Variants in SYT16 observed in about 807,000 individuals in gnomAD.
SYT16 encodes the protein synaptotagmin-16.
In SYT16, 42 loss-of-function variants were observed where a neutral mutation model predicts 61.4. That is an observed-to-expected ratio of 0.68 (90% confidence interval 0.53 to 0.89). The LOEUF is 0.89. Among genes scored for constraint, SYT16 ranks in the 40% least tolerant of loss-of-function variants. The probability of loss-of-function intolerance (pLI) is 0.00; values close to 1 mark genes in which losing one functional copy is unlikely to be tolerated. For synonymous variants in SYT16, 314 were observed against 302.3 expected (o/e 1.04, Z -0.40); for missense variants, 804 against 807.3 (o/e 1.00, Z 0.05).
chr14:61,927,284 A>C (rs2049576662), intron 1 of SYT16, among the ~76,000 whole-genome samples: 1 of 152,238 alleles, frequency 6.6e-6, no homozygotes, highest in African/African-American at 2.4e-5. Context: ...ATCTATTTTT[A>C]TTCCAGGTTA....
chr14:62,055,881 A>G (rs1364839283), intron 3 of SYT16, among the ~76,000 whole-genome samples: 1 of 152,188 alleles, frequency 6.6e-6, no homozygotes, highest in Non-Finnish European at 1.5e-5. Flanking sequence ...CTGAGTCCCA[A>G]AACCTCAAAA....
chr14:62,073,118 T>G (rs1205660506), intron 4 of SYT16, among the ~76,000 whole-genome samples: 3 of 152,224 alleles, frequency 2.0e-5, no homozygotes, highest in Non-Finnish European at 4.4e-5. Context: ...ATTCATTCCT[T>G]GCTTGTCTGT....
chr14:61,911,575 G>A (rs975985974), intron 1 of SYT16, among the ~76,000 whole-genome samples: 1 of 152,186 alleles, frequency 6.6e-6, no homozygotes, highest in Non-Finnish European at 1.5e-5. Context: ...AGGCTCAGAG[G>A]AGCTATGTCC....
intron 1 of SYT16, among the ~76,000 whole-genome samples, chr14:61,958,697 G>A (rs2050984442): frequency 6.6e-6 from 1 of 152,028 alleles, no homozygotes; most frequent in Admixed American, 6.6e-5. Flanking sequence ...AGAATGTTCT[G>A]TGTGTAATTG....
intron 3 of SYT16, among the ~76,000 whole-genome samples, chr14:62,000,391 C>T (rs573988990): frequency 6.6e-6 from 1 of 151,648 alleles, no homozygotes; most frequent in Non-Finnish European, 1.5e-5. Context: ...CTCCAACTTT[C>T]TTTTGATTAG....
intron 1 of SYT16, among the ~76,000 whole-genome samples, chr14:61,906,770 C>A (rs1042744347): frequency 1.4e-5 from 2 of 139,948 alleles, no homozygotes; most frequent in African/African-American, 5.4e-5. Context: ...TCCGTCAATC[C>A]ATCCATCCGT....
intron 5 of SYT16, among the ~76,000 whole-genome samples, chr14:62,076,699 G>A (rs552393318): frequency 3.9e-5 from 6 of 152,170 alleles, no homozygotes; most frequent in South Asian, 4.2e-4. Context: ...CTGCTTACCC[G>A]TTAGTTTACT....
intron 2 of SYT16, among the ~76,000 whole-genome samples, chr14:61,971,750 A>C (rs529261526): frequency 9.2e-5 from 14 of 152,244 alleles, no homozygotes; most frequent in Non-Finnish European, 1.8e-4. Context: ...CAGATTTGAC[A>C]ATTGCTTTGG....
At chr14:61,893,523 C>T (rs2140342410) in intron 1 of SYT16, among the ~76,000 whole-genome samples, 1 of 152,348 alleles carries the variant, frequency 6.6e-6, no homozygotes, top group African/African-American at 2.4e-5. Flanking sequence ...TTCCTCCTCT[C>T]ATATACTGTG....
At chr14:61,855,549 AAGTG>A (rs1251100998) in intron 1 of SYT16, among the ~76,000 whole-genome samples, 1 of 152,190 alleles carries the variant, frequency 6.6e-6, no homozygotes, top group African/African-American at 2.4e-5. Context: ...ACTGTACTGA[AAGTG>A]AGAAACAGGA....
At chr14:61,912,837 A>T (rs2048984555) in intron 1 of SYT16, among the ~76,000 whole-genome samples, 1 of 152,208 alleles carries the variant, frequency 6.6e-6, no homozygotes, top group African/African-American at 2.4e-5. Flanking sequence ...TAATCTCTTG[A>T]TAGGAACAGA....
At chr14:62,100,322 A>C in intron 7 of SYT16, 72 bp from the exon 8 acceptor site, 1 of 1,319,660 alleles carries the variant, frequency 7.6e-7, no homozygotes, top group Non-Finnish European at 1.0e-6. Context: ...TAAATGTTAC[A>C]GCTAGTCTAG....
At chr14:61,872,876 A>G (rs984475444) in intron 1 of SYT16, among the ~76,000 whole-genome samples, 19 of 152,206 alleles carry the variant, frequency 1.2e-4, no homozygotes, top group African/African-American at 4.3e-4. Flanking sequence ...TTTTGCATAA[A>G]TTGTTTACAC....
chr14:62,018,830 C>A (rs2053807116), intron 3 of SYT16, among the ~76,000 whole-genome samples: 1 of 152,160 alleles, frequency 6.6e-6, no homozygotes, highest in Admixed American at 6.5e-5. Context: ...TTATGTTTCA[C>A]TCTACGGTGC....
chr14:61,825,838 A>C (rs1264714794), intron 1 of SYT16, among the ~76,000 whole-genome samples: 1 of 152,222 alleles, frequency 6.6e-6, no homozygotes, highest in Non-Finnish European at 1.5e-5. Flanking sequence ...AAAACAAGTA[A>C]GATAATTATT....
intron 1 of SYT16, among the ~76,000 whole-genome samples, chr14:61,826,396 T>C (rs536165833): frequency 1.1e-4 from 17 of 152,204 alleles, no homozygotes; most frequent in Admixed American, 3.9e-4. Flanking sequence ...ATCAATGTTA[T>C]AACAAAACAA....
At position 61,831,970 on chromosome 14, in the gene SYT16, C is replaced by T. The variant is rs527982603; in HGVS notation, c.-325+19160C>T. On this transcript the variant is annotated intron_variant, in intron 1 of 7. Coordinates refer to ENST00000683842, the MANE Select transcript of SYT16 (RefSeq NM_001367656.1). ...GTCTGCATGGGCACCCACTCTTTGTCAAAGGTGTGCGGGATGGGGCCGTAC... is the reference window on the plus strand; with the variant it reads ...GTCTGCATGGGCACCCACTCTTTGTTAAAGGTGTGCGGGATGGGGCCGTAC... 11 of 585,256 alleles carry T rather than the reference C, an allele frequency of 1.9e-5. No individual in the cohort carries two copies. The East Asian group carries it at 3.9e-4, about 21-fold the overall frequency. The allele number at this position is 585,256 out of a possible 1,614,324, so 36.3% of individuals were successfully genotyped here. A position where few individuals can be genotyped will look rare whatever the true frequency, so the allele number is the denominator to read the frequency against.
intron 1 of SYT16, among the ~76,000 whole-genome samples, chr14:61,937,152 G>A (rs1232590815): frequency 1.3e-5 from 2 of 152,234 alleles, no homozygotes; most frequent in East Asian, 1.9e-4. Context: ...ATTTCTAAGA[G>A]CTTCAAAGTT....
intron 3 of SYT16, among the ~76,000 whole-genome samples, chr14:62,027,218 G>C (rs2140786040): frequency 6.6e-6 from 1 of 152,268 alleles, no homozygotes. Flanking sequence ...CTTAGCATCT[G>C]TGACTGCAGT....
Sources: allele counts gnomAD v4.1 joint callset (sites outside exome capture counted in the v4.1 genomes callset), GRCh38; gene constraint gnomAD v4.1.1; transcripts MANE v1.5; gene names NCBI Gene and HGNC (gene_info 2026-07-23, HGNC 2026-07-21).